The following SDK1 variants were observed in gnomAD, a reference collection of about 807,000 sequenced individuals.
The protein encoded by SDK1 is protein sidekick-1.
A neutral mutation model predicts 245.5 loss-of-function variants in SDK1; 157 were observed. The observed-to-expected ratio is 0.64, with a 90% CI of 0.56 to 0.73. The LOEUF (loss-of-function observed/expected upper bound fraction) is 0.73, where lower values mean the gene tolerates loss of function less well. Among genes scored for constraint, SDK1 ranks in the 30% least tolerant of loss-of-function variants. The probability of loss-of-function intolerance (pLI) is 0.00; values close to 1 mark genes in which losing one functional copy is unlikely to be tolerated. For missense variants in SDK1, 3,583 were observed against 3,002.3 expected, an observed-to-expected ratio of 1.19 and a Z score of -4.52; for synonymous variants, 1,647 against 1,278.5, an observed-to-expected ratio of 1.29 and a Z score of -6.15.
rs146291005 is a variant in SDK1, at chr7:3,308,018, A to T, written c.298+6134A>T. Reference sequence around the variant, plus strand: ...TCTCAGAGTATTTACAATGTTGAAGACAACTAAGATGCAATGTAGTATTTC... The same window carrying T: ...TCTCAGAGTATTTACAATGTTGAAGTCAACTAAGATGCAATGTAGTATTTC... On this transcript the variant is annotated intron_variant, in intron 1 of 44. Coordinates refer to ENST00000404826, the MANE Select transcript of SDK1 (RefSeq NM_152744.4). Among the ~76,000 whole-genome samples the T allele has an allele frequency of 1.1e-4, 17 of 152,274 alleles. No individual in the cohort carries two copies. In the East Asian group the frequency reaches 3.3e-3, roughly 29 times the overall value.
chr7:3,775,591 A>G (rs1181779569), intron 4 of SDK1, among the ~76,000 whole-genome samples: 1 of 144,294 alleles, frequency 6.9e-6, no homozygotes. Flanking sequence ...TTTTTTTGAG[A>G]CAGAGTCTTG....
At chr7:3,834,401 C>G (rs1048313833) in intron 5 of SDK1, among the ~76,000 whole-genome samples, 5 of 152,166 alleles carry the variant, frequency 3.3e-5, no homozygotes, top group African/African-American at 4.8e-5. Flanking sequence ...AAATGCCACA[C>G]GAAAGGGAGT....
chr7:3,966,391 G>T (rs1415309594), intron 9 of SDK1, among the ~76,000 whole-genome samples: 3 of 152,142 alleles, frequency 2.0e-5, no homozygotes, highest in Non-Finnish European at 2.9e-5. Context: ...GATCACTGTT[G>T]TACGGGGGGT....
At chr7:3,349,704 C>G (rs1488081465) in intron 1 of SDK1, among the ~76,000 whole-genome samples, 3 of 152,138 alleles carry the variant, frequency 2.0e-5, no homozygotes, top group Admixed American at 2.0e-4. Context: ...GGTTCACGCC[C>G]TTCTCCTGCC....
intron 35 of SDK1, among the ~76,000 whole-genome samples, chr7:4,204,664 C>G (rs1228098841): frequency 6.6e-6 from 1 of 152,156 alleles, no homozygotes; most frequent in African/African-American, 2.4e-5. Context: ...CGTAAAGACA[C>G]TCAGTCAAAA....
At chr7:4,087,916 C>T (rs1781530263) in intron 22 of SDK1, among the ~76,000 whole-genome samples, 1 of 152,126 alleles carries the variant, frequency 6.6e-6, no homozygotes, top group Non-Finnish European at 1.5e-5. Flanking sequence ...ATATTTTCTG[C>T]CTGTGTTGTT....
intron 8 of SDK1, among the ~76,000 whole-genome samples, chr7:3,960,921 A>G (rs893000321): frequency 5.9e-5 from 9 of 152,248 alleles, no homozygotes; most frequent in African/African-American, 1.4e-4. Flanking sequence ...AGAGTATACA[A>G]TACTGCGGGG....
intron 1 of SDK1, among the ~76,000 whole-genome samples, chr7:3,518,557 A>G (rs888940128): frequency 5.3e-5 from 8 of 152,152 alleles, no homozygotes; most frequent in Non-Finnish European, 1.0e-4. Context: ...ATACATATAC[A>G]TGAGCAACAA....
intron 5 of SDK1, among the ~76,000 whole-genome samples, chr7:3,893,336 C>CG (rs1781509373): frequency 6.6e-6 from 1 of 151,982 alleles, no homozygotes; most frequent in African/African-American, 2.4e-5. Context: ...TCAGGATGGC[C>CG]GGGGGGAGGA....
intron 4 of SDK1, among the ~76,000 whole-genome samples, chr7:3,691,226 A>T (rs1015266862): frequency 3.9e-5 from 6 of 152,226 alleles, no homozygotes; most frequent in Non-Finnish European, 7.3e-5. Context: ...TGCAAGAAAT[A>T]AAAAGGCTCC....
chr7:3,314,897 C>CTT lies in SDK1; in HGVS notation c.298+13024_298+13025dup, dbSNP rs34081605. Among the ~76,000 whole-genome samples the CTT allele has an allele frequency of 9.6e-4, 143 of 148,534 alleles. 1 individual carries two copies. The South Asian group carries it at 0.014, about 15-fold the overall frequency. ...TCATACATCCTATTGGCAACAAAAA[C>CTT]TTTTTTTTTTTTAAAACTAAACCTC... On this transcript the variant is annotated intron_variant, in intron 1 of 44. Transcript: ENST00000404826.
chr7:3,304,446 T>C (rs1010080930), intron 1 of SDK1, among the ~76,000 whole-genome samples: 2 of 152,224 alleles, frequency 1.3e-5, no homozygotes, highest in African/African-American at 4.8e-5. Flanking sequence ...CTGGACTCTT[T>C]ACAGGCTTAC....
chr7:4,087,079 C>T (rs1262910934), intron 22 of SDK1, among the ~76,000 whole-genome samples: 1 of 151,494 alleles, frequency 6.6e-6, no homozygotes, highest in Non-Finnish European at 1.5e-5. Context: ...TTCTTGCATG[C>T]CTCTGGTTTT....
chr7:3,561,031 C>CT (rs1261205157), intron 1 of SDK1, among the ~76,000 whole-genome samples: 3 of 152,236 alleles, frequency 2.0e-5, no homozygotes, highest in African/African-American at 7.2e-5. Flanking sequence ...ATCTAACATA[C>CT]TATATGTTTT....
intron 22 of SDK1, among the ~76,000 whole-genome samples, chr7:4,083,524 T>TCCTCCCTCCCTC (rs749572975): frequency 4.4e-5 from 4 of 90,984 alleles, no homozygotes; most frequent in South Asian, 4.0e-4. Context: ...CCATTTCCAC[T>TCCTCCCTCCCTC]CCTCCCTCCC....
intron 4 of SDK1, among the ~76,000 whole-genome samples, chr7:3,688,303 G>C (rs1784349739): frequency 6.6e-6 from 1 of 152,216 alleles, no homozygotes; most frequent in South Asian, 2.1e-4. Context: ...GTGGTTGAGA[G>C]ACCAGGCCCT....
intron 5 of SDK1, among the ~76,000 whole-genome samples, chr7:3,927,034 A>G (rs1451620580): frequency 1.3e-5 from 2 of 152,174 alleles, no homozygotes; most frequent in South Asian, 2.1e-4. Context: ...CCACAGAGGA[A>G]TTCCTGAACT....
intron 1 of SDK1, among the ~76,000 whole-genome samples, chr7:3,310,477 C>T (rs1779524542): frequency 6.6e-6 from 1 of 151,900 alleles, no homozygotes; most frequent in South Asian, 2.1e-4. Context: ...ATTTAAGAGG[C>T]AAAAAATACA....
intron 4 of SDK1, among the ~76,000 whole-genome samples, chr7:3,694,727 C>G (rs1171843955): frequency 6.6e-6 from 1 of 152,126 alleles, no homozygotes; most frequent in Non-Finnish European, 1.5e-5. Context: ...TCTCGAGTTT[C>G]TGATTCCATA....
Sources: gnomAD v4.1 joint callset for allele counts (sites outside exome capture counted in the v4.1 genomes callset) on GRCh38, gnomAD v4.1.1 for gene constraint, MANE v1.5 for transcripts, NCBI Gene and HGNC (gene_info 2026-07-23, HGNC 2026-07-21) for gene names.